PTPRT: variants seen among roughly 807,000 people sequenced by gnomAD.
PTPRT encodes receptor-type tyrosine-protein phosphatase T.
In PTPRT, 56 loss-of-function variants were observed where a neutral mutation model predicts 176.8. The ratio of observed to expected loss-of-function variants is 0.32; its 90% CI spans 0.26 to 0.40. The LOEUF (loss-of-function observed/expected upper bound fraction) is 0.40. Ranked by LOEUF, PTPRT falls within the 10% of genes least tolerant of loss-of-function variation. The probability of loss-of-function intolerance (pLI) is 1.00; values close to 1 mark genes in which losing one functional copy is unlikely to be tolerated. For missense variants in PTPRT, 1,540 were observed against 1,908.2 expected, an observed-to-expected ratio of 0.81 and a Z score of 3.60; for synonymous variants, 783 against 739.0, an observed-to-expected ratio of 1.06 and a Z score of -0.96.
At chr20:42,943,964 A>G (rs1272742250) in intron 1 of PTPRT, among the ~76,000 whole-genome samples, 2 of 152,136 alleles carry the variant, frequency 1.3e-5, no homozygotes, top group African/African-American at 4.8e-5. Context: ...GGTTACAGGG[A>G]GCTATGATGG....
At chr20:42,569,199 A>C (rs1016190552) in intron 7 of PTPRT, among the ~76,000 whole-genome samples, 2 of 147,674 alleles carry the variant, frequency 1.4e-5, no homozygotes, top group Non-Finnish European at 3.0e-5. Flanking sequence ...GGAGGAGACT[A>C]CTATGATTCC....
At chr20:42,417,117 G>C (rs530911029) in intron 9 of PTPRT, among the ~76,000 whole-genome samples, 1 of 152,338 alleles carries the variant, frequency 6.6e-6, no homozygotes, top group African/African-American at 2.4e-5. Context: ...CTGTACAGAA[G>C]CTCTATCAAA....
intron 15 of PTPRT, among the ~76,000 whole-genome samples, chr20:42,233,810 C>T (rs938906438): frequency 5.3e-5 from 8 of 152,324 alleles, no homozygotes; most frequent in Middle Eastern, 6.8e-3. Context: ...GATGCTTCTG[C>T]ATCCCACTGC....
intron 16 of PTPRT, among the ~76,000 whole-genome samples, chr20:42,163,717 T>C (rs192160060): frequency 2.0e-5 from 3 of 151,802 alleles, no homozygotes; most frequent in Non-Finnish European, 1.5e-5. Flanking sequence ...AACAAGGAGG[T>C]TGATAAGGAG....
At chr20:42,857,182 T>C (rs1220238819) in intron 2 of PTPRT, among the ~76,000 whole-genome samples, 1 of 152,226 alleles carries the variant, frequency 6.6e-6, no homozygotes, top group Non-Finnish European at 1.5e-5. Context: ...AAAGTCATTT[T>C]ATTTATCTGA....
chr20:42,809,749 G>A (rs2077668461), intron 2 of PTPRT, among the ~76,000 whole-genome samples: 1 of 152,074 alleles, frequency 6.6e-6, no homozygotes, highest in Non-Finnish European at 1.5e-5. Context: ...ATCTCCCTCT[G>A]CTTTGCTCTC....
At chr20:42,490,638 TA>T (rs199498579) in intron 7 of PTPRT, among the ~76,000 whole-genome samples, 21,610 of 151,914 alleles carry the variant, frequency 0.14, 3,722 homozygotes, top group African/African-American at 0.42. Context: ...TCATATCATC[TA>T]CAAACAATGA....
At position 43,189,621 on chromosome 20, in the gene PTPRT, A is replaced by T. The variant is rs2015488527; in HGVS notation, c.88+25T>A. On this transcript the variant is annotated intron_variant, in intron 1 of 30. Coordinates refer to ENST00000373187, the MANE Select transcript of PTPRT (RefSeq NM_007050.6). The surrounding 1 kb of genome is among the most constrained non-coding windows in gnomAD (Gnocchi z 5.0). The stretch of plus-strand genomic sequence containing the variant: ...GCATCCAGGAGGGAGCGGGGAGCCC[A>T]GGGGAGCCGGGCGGGCGCACTCACC... 2 of 1,236,910 alleles carry T rather than the reference A, an allele frequency of 1.6e-6. No individual in the cohort carries two copies. The highest frequency in any genetic ancestry group is 3.3e-5 in the East Asian group (1 of 30,456). The allele number at this position is 1,236,910 out of a possible 1,614,324, so 76.6% of individuals were successfully genotyped here.
rs371694699 is a variant in PTPRT, at chr20:42,159,026, A to G, written c.2682+2326T>C. On this transcript the variant is annotated intron_variant, in intron 17 of 30. Coordinates refer to ENST00000373187, the MANE Select transcript of PTPRT (RefSeq NM_007050.6). The stretch of plus-strand genomic sequence containing the variant: ...GAACGAAATGCATGAAAGTAGTCAA[A>G]TACACTTGTAATTCTGTCTTCAAAT... Among the ~76,000 whole-genome samples the G allele has an allele frequency of 7.2e-5, 11 of 152,310 alleles. No individual in the cohort carries two copies. The East Asian group carries it at 2.1e-3, about 29-fold the overall frequency.
chr20:42,163,859 C>T (rs1426594626), intron 16 of PTPRT, among the ~76,000 whole-genome samples: 1 of 152,218 alleles, frequency 6.6e-6, no homozygotes, highest in East Asian at 1.9e-4. Flanking sequence ...GGAGGAATCT[C>T]CTTCTTTAAA....
intron 7 of PTPRT, among the ~76,000 whole-genome samples, chr20:42,478,535 T>C (rs1014619217): frequency 4.6e-5 from 7 of 152,142 alleles, no homozygotes; most frequent in Non-Finnish European, 1.0e-4. Flanking sequence ...TTCTCACTTA[T>C]CAAATCCTGT....
chr20:42,627,676 G>A (rs1451539192), intron 7 of PTPRT, among the ~76,000 whole-genome samples: 2 of 152,074 alleles, frequency 1.3e-5, no homozygotes, highest in African/African-American at 4.8e-5. Context: ...ACAATTCCAT[G>A]TCCTATTTTT....
rs557692080 is a variant in PTPRT at position 42,350,496 on chromosome 20, C to A, written c.1865+132G>T. The stretch of plus-strand genomic sequence containing the variant: ...TTTGAACTGGGCTTGGGGCTGCTGA[C>A]CTCCTTCCTCCGAGGAAGCTTTGTT... On this transcript the variant is annotated intron_variant, in intron 11 of 30. Transcript: ENST00000373187. 64 of 770,514 alleles carry A rather than the reference C, an allele frequency of 8.3e-5. No homozygotes were observed. The African/African-American group carries it at 9.1e-4, about 11-fold the overall frequency. 47.7% of individuals were successfully genotyped at this position (770,514 alleles called of 1,614,324 possible).
intron 2 of PTPRT, among the ~76,000 whole-genome samples, chr20:42,883,509 T>A (rs1475779125): frequency 1.3e-5 from 2 of 151,600 alleles, no homozygotes; most frequent in Non-Finnish European, 2.9e-5. Context: ...GAAGGGGAAA[T>A]GGGTAAATCA....
chr20:42,565,829 TG>T (rs1426874268), intron 7 of PTPRT, among the ~76,000 whole-genome samples: 2 of 152,040 alleles, frequency 1.3e-5, no homozygotes, highest in African/African-American at 4.8e-5. Flanking sequence ...AGCTGGGTCC[TG>T]TAACCTTCCT....
chr20:42,094,628 G>A (rs1985001367), intron 27 of PTPRT, among the ~76,000 whole-genome samples: 1 of 152,102 alleles, frequency 6.6e-6, no homozygotes, highest in Admixed American at 6.5e-5. Flanking sequence ...AGTGGCTCAT[G>A]CCTATAACCC....
At chr20:42,298,985 T>A (rs1298834074) in intron 12 of PTPRT, among the ~76,000 whole-genome samples, 1 of 152,034 alleles carries the variant, frequency 6.6e-6, no homozygotes, top group Non-Finnish European at 1.5e-5. Context: ...AAGGAAGACA[T>A]TTATGAAATA....
intron 1 of PTPRT, among the ~76,000 whole-genome samples, chr20:43,120,517 C>T (rs529511658): frequency 3.0e-4 from 45 of 152,280 alleles, no homozygotes; most frequent in South Asian, 1.0e-3. Flanking sequence ...GTGATCCGCC[C>T]GCCTCGGTCT....
intron 7 of PTPRT, among the ~76,000 whole-genome samples, chr20:42,530,212 C>G (rs2072356510): frequency 6.6e-6 from 1 of 152,168 alleles, no homozygotes; most frequent in Admixed American, 6.5e-5. Context: ...TGTAGCAAGC[C>G]CTGAGGCATA....
Sources: gnomAD v4.1 joint callset for allele counts (sites outside exome capture counted in the v4.1 genomes callset) on GRCh38, gnomAD v4.1.1 for gene constraint, Gnocchi (gnomAD v3.1) non-coding constraint, MANE v1.5 for transcripts, NCBI Gene and HGNC (gene_info 2026-07-23, HGNC 2026-07-21) for gene names.